The following MEIS2 variants were observed in gnomAD, a reference collection of about 807,000 sequenced individuals.
MEIS2 encodes Meis homeobox 2, also known as homeobox protein Meis2.
A neutral mutation model predicts 58.6 loss-of-function variants in MEIS2; 9 were observed. The ratio of observed to expected loss-of-function variants is 0.15; its 90% CI spans 0.09 to 0.27. The LOEUF is 0.27. Ranked by LOEUF, MEIS2 falls within the 10% of genes least tolerant of loss-of-function variation. MEIS2 has a pLI of 1.00. For synonymous variants in MEIS2, 221 were observed against 228.4 expected, an observed-to-expected ratio of 0.97 and a Z score of 0.29; for missense variants, 427 against 635.0, an observed-to-expected ratio of 0.67 and a Z score of 3.52.
chr15:36,970,200 C>A (rs564693335), intron 8 of MEIS2, among the ~76,000 whole-genome samples: 1 of 151,852 alleles, frequency 6.6e-6, no homozygotes, highest in Admixed American at 6.6e-5. Context: ...TCAGGAGATC[C>A]GGACCATCCT....
intron 8 of MEIS2, among the ~76,000 whole-genome samples, chr15:37,025,447 A>G (rs1157358054): frequency 1.3e-5 from 2 of 152,112 alleles, no homozygotes; most frequent in Non-Finnish European, 2.9e-5. Context: ...CATGGTAGAG[A>G]TTTCTTTCAC....
At chr15:36,986,774 T>C (rs1184613972) in intron 8 of MEIS2, among the ~76,000 whole-genome samples, 1 of 152,216 alleles carries the variant, frequency 6.6e-6, no homozygotes, top group African/African-American at 2.4e-5. Flanking sequence ...TCAAAAGCGT[T>C]ATCTTGTTTC....
intron 9 of MEIS2, among the ~76,000 whole-genome samples, chr15:36,924,139 T>C (rs757841513): frequency 1.3e-5 from 2 of 152,180 alleles, no homozygotes; most frequent in African/African-American, 4.8e-5. Context: ...CATTACTTCA[T>C]AAGCAAGAGT....
intron 7 of MEIS2, among the ~76,000 whole-genome samples, chr15:37,066,803 G>A (rs915004063): frequency 6.6e-6 from 1 of 152,116 alleles, no homozygotes; most frequent in Non-Finnish European, 1.5e-5. Context: ...TAGAGATGTG[G>A]TCTCACTCTG....
chr15:37,099,572 A>G lies in MEIS2; in HGVS notation c.-106T>C. 1.3e-6 allele frequency: 2 copies of G among 1,515,514 alleles called. No homozygotes were observed. The highest frequency in any genetic ancestry group is 1.8e-6 in the Non-Finnish European group (2 of 1,112,738). The allele number at this position is 1,515,514 out of a possible 1,614,324, so 93.9% of individuals were successfully genotyped here. On this transcript the variant is annotated 5_prime_UTR_variant, in exon 1 of 12. Coordinates refer to ENST00000561208, the MANE Select transcript of MEIS2 (RefSeq NM_170675.5). ...ATTCCTTTTTTTTTTTTCCAAACCA[A>G]AGAGACTTCTCCCAATTCTCCAATA...
At chr15:36,948,908 C>T (rs2058664980) in intron 9 of MEIS2, among the ~76,000 whole-genome samples, 1 of 151,928 alleles carries the variant, frequency 6.6e-6, no homozygotes, top group African/African-American at 2.4e-5. Flanking sequence ...CAGTTCCAAT[C>T]TTTAGAAGAA....
chr15:37,067,978 T>C (rs1890184159), intron 7 of MEIS2, among the ~76,000 whole-genome samples: 1 of 152,152 alleles, frequency 6.6e-6, no homozygotes, highest in Non-Finnish European at 1.5e-5. Flanking sequence ...ATTATTCACA[T>C]TTATGGAGCA....
chr15:36,893,828 T>C (rs2056020368), intron 11 of MEIS2, among the ~76,000 whole-genome samples: 2 of 152,194 alleles, frequency 1.3e-5, no homozygotes, highest in African/African-American at 2.4e-5. Context: ...CTATAAAATG[T>C]TGGCCTCTAT....
At position 37,010,668 on chromosome 15, in the gene MEIS2, G is replaced by A. The variant is rs574133273; in HGVS notation, c.900+26146C>T. 6.6e-5 allele frequency among the ~76,000 whole-genome samples: 10 copies of A among 152,300 alleles called. No individual in the cohort carries two copies. The South Asian group carries it at 1.9e-3, about 28-fold the overall frequency. ...TGCTGGGATTGCAGGTTTGAGCCACGGCACCCGGCCAAAAGCACTGTTTTA... is the reference window on the plus strand; with the variant it reads ...TGCTGGGATTGCAGGTTTGAGCCACAGCACCCGGCCAAAAGCACTGTTTTA... On this transcript the variant is annotated intron_variant, in intron 8 of 11. Coordinates refer to ENST00000561208, the MANE Select transcript of MEIS2 (RefSeq NM_170675.5).
At chr15:37,023,497 T>C (rs937479986) in intron 8 of MEIS2, among the ~76,000 whole-genome samples, 2 of 152,228 alleles carry the variant, frequency 1.3e-5, no homozygotes, top group African/African-American at 4.8e-5. Flanking sequence ...ACATGAACTG[T>C]AGGATTATTT....
chr15:36,900,875 C>G (rs1230881737), intron 9 of MEIS2: 1 of 152,190 alleles, frequency 6.6e-6, no homozygotes, highest in Non-Finnish European at 1.5e-5. Flanking sequence ...TTCTCCACCC[C>G]CCAATCTTTT....
intron 8 of MEIS2, among the ~76,000 whole-genome samples, chr15:37,015,464 A>G (rs907887087): frequency 2.5e-4 from 32 of 125,760 alleles, no homozygotes; most frequent in African/African-American, 8.8e-4. Context: ...CCACACACAC[A>G]CACATGCACA....
chr15:36,998,692 C>T (rs1395146364), intron 8 of MEIS2, among the ~76,000 whole-genome samples: 1 of 152,134 alleles, frequency 6.6e-6, no homozygotes, highest in Non-Finnish European at 1.5e-5. Flanking sequence ...TGTTTCAACC[C>T]ATTCCAAACT....
chr15:37,059,861 CGCCTGGG>C (rs1888956938), intron 7 of MEIS2, among the ~76,000 whole-genome samples: 1 of 151,966 alleles, frequency 6.6e-6, no homozygotes, highest in Admixed American at 6.6e-5. Flanking sequence ...GAATCGCTTG[CGCCTGGG>C]AGGTGGAGGT....
chr15:37,027,464 T>G (rs1023251828), intron 8 of MEIS2, among the ~76,000 whole-genome samples: 2 of 152,146 alleles, frequency 1.3e-5, no homozygotes, highest in African/African-American at 4.8e-5. Context: ...AAATGGAAAT[T>G]TTCCCTATGA....
At chr15:36,921,001 A>G (rs2057485389) in intron 9 of MEIS2, among the ~76,000 whole-genome samples, 2 of 152,096 alleles carry the variant, frequency 1.3e-5, no homozygotes, top group African/African-American at 4.8e-5. Context: ...AAAAACAAAA[A>G]CAAAAACAAA....
intron 6 of MEIS2, among the ~76,000 whole-genome samples, chr15:37,087,558 C>T (rs957939676): frequency 6.6e-6 from 1 of 151,978 alleles, no homozygotes; most frequent in African/African-American, 2.4e-5. Flanking sequence ...ACAGCTTTCC[C>T]TAGAAAACAC....
chr15:37,046,908 A>G (rs1450424313), intron 7 of MEIS2, among the ~76,000 whole-genome samples: 1 of 151,942 alleles, frequency 6.6e-6, no homozygotes, highest in Non-Finnish European at 1.5e-5. Flanking sequence ...CAATTTTAAA[A>G]TATTTAAGAA....
intron 7 of MEIS2, among the ~76,000 whole-genome samples, chr15:37,048,836 G>C (rs28434514): frequency 5.3e-5 from 8 of 151,614 alleles, no homozygotes; most frequent in Non-Finnish European, 7.4e-5. Flanking sequence ...ATGAACAATA[G>C]TATTATGGAG....
Sources: allele counts gnomAD v4.1 joint callset (sites outside exome capture counted in the v4.1 genomes callset), GRCh38; gene constraint gnomAD v4.1.1; transcripts MANE v1.5; gene names NCBI Gene and HGNC (gene_info 2026-07-23, HGNC 2026-07-21).